PDE2A: variants seen among roughly 807,000 people sequenced by gnomAD.
PDE2A encodes phosphodiesterase 2A.
PDE2A carries 53 observed loss-of-function variants against 133.6 expected under a neutral mutation model. The ratio of observed to expected loss-of-function variants is 0.40; its 90% CI spans 0.32 to 0.50. The LOEUF (loss-of-function observed/expected upper bound fraction) is 0.50. Ranked by LOEUF, PDE2A falls within the 20% of genes least tolerant of loss-of-function variation. The pLI, the probability that PDE2A is intolerant of heterozygous loss-of-function variation, is 0.73. For missense variants in PDE2A, 796 were observed against 1,232.4 expected (o/e 0.65, Z 5.30); for synonymous variants, 491 against 490.2 (o/e 1.00, Z -0.02).
rs1233586729 is a variant in PDE2A, at chr11:72,589,769, C to A, written c.855G>T (p.Gly285=). The A allele has an allele frequency of 6.2e-7, 1 of 1,613,926 alleles. No individual in the cohort carries two copies. The highest frequency in any genetic ancestry group is 2.2e-5 in the East Asian group (1 of 44,876). Reference sequence around the variant, plus strand: ...GACTCACGGGAAAGCTGACCTCTTCCCCGAGCACTTTGTCTCCGATGACCT... The same window carrying A: ...GACTCACGGGAAAGCTGACCTCTTCACCGAGCACTTTGTCTCCGATGACCT... ...SCKVIGDKVL[G]EEVSFPLTGC... Residue 285 remains glycine, a synonymous_variant, in exon 11 of 31, where the codon GGG becomes GGT. Transcript: ENST00000334456.
chr11:72,592,335 C>T lies in PDE2A; in HGVS notation c.490-979G>A, dbSNP rs930642025. Among the ~76,000 whole-genome samples, 10 of 152,324 alleles carry T rather than the reference C, an allele frequency of 6.6e-5. No individual in the cohort carries two copies. In the East Asian group the frequency reaches 1.9e-3, roughly 29 times the overall value. On this transcript the variant is annotated intron_variant, in intron 6 of 30. Transcript: ENST00000334456. ...GGGGGCTCCTCCTTCCTCCTCCCTC[C>T]CCAGTCAGCAGCCAATGCCTGCCTC...
intron 2 of PDE2A, 128 bp downstream of exon 2, chr11:72,642,126 G>T: frequency 1.6e-6 from 2 of 1,272,442 alleles, no homozygotes. Context: ...TGCCGTCCCA[G>T]CACAGGAGTA....
At chr11:72,669,455 C>G (rs1050193860) in intron 1 of PDE2A, among the ~76,000 whole-genome samples, 1 of 152,142 alleles carries the variant, frequency 6.6e-6, no homozygotes, top group African/African-American at 2.4e-5. Context: ...CACTGGGGAC[C>G]TGGCCTTTCC....
At chr11:72,620,623 C>T (rs949138896) in intron 2 of PDE2A, among the ~76,000 whole-genome samples, 3 of 152,170 alleles carry the variant, frequency 2.0e-5, no homozygotes, top group Admixed American at 6.5e-5. Flanking sequence ...GACACCTGTG[C>T]CTCAGCTGCG....
intron 2 of PDE2A, among the ~76,000 whole-genome samples, chr11:72,641,444 A>C (rs940140361): frequency 6.6e-6 from 1 of 152,214 alleles, no homozygotes; most frequent in Non-Finnish European, 1.5e-5. Context: ...GAGACCCCAA[A>C]ACGAAGATGG....
intron 2 of PDE2A, among the ~76,000 whole-genome samples, chr11:72,630,409 G>A (rs774288755): frequency 1.3e-5 from 2 of 152,098 alleles, no homozygotes; most frequent in African/African-American, 4.8e-5. Flanking sequence ...GCAGGAGTGA[G>A]CTTGGTCCCA....
intron 3 of PDE2A, among the ~76,000 whole-genome samples, chr11:72,606,864 T>TA (rs1216151486): frequency 6.6e-6 from 1 of 152,180 alleles, no homozygotes; most frequent in Non-Finnish European, 1.5e-5. Flanking sequence ...CCCACCCCCT[T>TA]ACTCTCAGCC....
chr11:72,579,627 T>C lies in PDE2A; in HGVS notation c.2182-19A>G, dbSNP rs765756034. ...GGTGCCTCTGGGGGGAGAGGAGTGA[T>C]GGGGGCCCAGCTGGGGCAGATGGGC... is the stretch of plus-strand genomic sequence containing the variant. On this transcript the variant is annotated intron_variant, in intron 25 of 30. Coordinates refer to ENST00000334456, the MANE Select transcript of PDE2A (RefSeq NM_002599.5). The C allele has an allele frequency of 2.6e-5, 41 of 1,588,990 alleles. No homozygotes were observed. Among genetic ancestry groups the C allele is most frequent in the Non-Finnish European group, 3.4e-5 (40 of 1,159,908 alleles).
chr11:72,636,149 G>A (rs1205791852), intron 2 of PDE2A: 5 of 1,158,544 alleles, frequency 4.3e-6, no homozygotes, highest in African/African-American at 1.6e-5. Context: ...TGCAGAGGAG[G>A]GGCCCTGCCG....
chr11:72,646,099 C>T (rs759326283), intron 1 of PDE2A, among the ~76,000 whole-genome samples: 6 of 152,236 alleles, frequency 3.9e-5, no homozygotes, highest in Non-Finnish European at 7.3e-5. Flanking sequence ...CCATCTCGGA[C>T]ACCAGGAAGC....
chr11:72,608,762 G>A lies in PDE2A; in HGVS notation c.145-11C>T, dbSNP rs749757839. On this transcript the variant is annotated splice_polypyrimidine_tract_variant and intron_variant, in intron 2 of 30. Coordinates refer to ENST00000334456, the MANE Select transcript of PDE2A (RefSeq NM_002599.5). Reference sequence around the variant, plus strand: ...ACTCAGCAAGGCGTCCTGGAAGAGAGGAGAGGGCAGTGAGAGGCTTTGCCA... The same window carrying A: ...ACTCAGCAAGGCGTCCTGGAAGAGAAGAGAGGGCAGTGAGAGGCTTTGCCA... The A allele has an allele frequency of 6.0e-6, 9 of 1,489,252 alleles. No individual in the cohort carries two copies. Among genetic ancestry groups the A allele is most frequent in the Admixed American group, 3.9e-5 (2 of 51,122 alleles). 92.3% of individuals were successfully genotyped at this position (1,489,252 alleles called of 1,614,324 possible).
intron 1 of PDE2A, among the ~76,000 whole-genome samples, chr11:72,653,452 G>C (rs1244955573): frequency 6.6e-6 from 1 of 152,184 alleles, no homozygotes; most frequent in Admixed American, 6.5e-5. Context: ...GGGGGGTCCT[G>C]ATTCCCAGCG....
intron 2 of PDE2A, chr11:72,636,110 C>G (rs1010307329): frequency 1.1e-4 from 132 of 1,231,384 alleles, no homozygotes; most frequent in Non-Finnish European, 1.2e-4. Flanking sequence ...ATGCCTGCCC[C>G]CTGAAGCCAC....
chr11:72,648,101 G>A (rs1464664271), intron 1 of PDE2A, among the ~76,000 whole-genome samples: 3 of 152,192 alleles, frequency 2.0e-5, no homozygotes, highest in East Asian at 1.9e-4. Context: ...TATGTGACAC[G>A]TGTTTATGCT....
intron 1 of PDE2A, chr11:72,643,547 G>A (rs780625041): frequency 1.3e-5 from 2 of 152,258 alleles, no homozygotes; most frequent in African/African-American, 2.4e-5. Flanking sequence ...CCTCAATGTG[G>A]TCTGACCTGA....
At chr11:72,644,724 A>ATTTATTTTATTTTATTTTAT (rs71062783) in intron 1 of PDE2A, among the ~76,000 whole-genome samples, 1 of 148,724 alleles carries the variant, frequency 6.7e-6, no homozygotes, top group South Asian at 2.1e-4. Context: ...AAGTTATTTT[A>ATTTATTTTATTTTATTTTAT]TTTATTTTAT....
chr11:72,665,453 T>G (rs1402780733), intron 1 of PDE2A, among the ~76,000 whole-genome samples: 1 of 151,470 alleles, frequency 6.6e-6, no homozygotes, highest in Admixed American at 6.6e-5. Flanking sequence ...AAATTTCCCT[T>G]CAGTTCTCCA....
At position 72,590,387 on chromosome 11, in the gene PDE2A, C is replaced by A; in HGVS notation, c.703+40G>T. 6.3e-7 allele frequency: 1 copy of A among 1,576,524 alleles called. No homozygotes were observed. The highest frequency in any genetic ancestry group is 8.6e-7 in the Non-Finnish European group (1 of 1,161,982). Reference sequence around the variant, plus strand: ...CGCCCACCTCCCCTCCAAGTTCTGCCCGGCCCCGCCCTCGTGACCTGTCCA... The same window carrying A: ...CGCCCACCTCCCCTCCAAGTTCTGCACGGCCCCGCCCTCGTGACCTGTCCA... On this transcript the variant is annotated intron_variant, in intron 8 of 30. Transcript: ENST00000334456. The surrounding 1 kb of genome is among the most constrained non-coding windows in gnomAD (Gnocchi z 4.8).
At chr11:72,658,296 G>A in intron 1 of PDE2A, 1 of 367,664 alleles carries the variant, frequency 2.7e-6, no homozygotes. Context: ...AACAAGGGCA[G>A]ATCTTCCCAC....
Sources: allele counts gnomAD v4.1 joint callset (sites outside exome capture counted in the v4.1 genomes callset), GRCh38; gene constraint gnomAD v4.1.1; non-coding constraint Gnocchi (gnomAD v3.1); transcripts MANE v1.5; gene names NCBI Gene and HGNC (gene_info 2026-07-23, HGNC 2026-07-21).